Variants in SRPK1 observed in about 807,000 individuals in gnomAD.
SRPK1 encodes the protein SFRS protein kinase 1.
Under a neutral mutation model 89.5 loss-of-function variants are expected in SRPK1, and 52 were observed. That is an observed-to-expected ratio of 0.58 (90% CI 0.46 to 0.73). The LOEUF (loss-of-function observed/expected upper bound fraction) is 0.73, where lower values mean the gene tolerates loss of function less well. SRPK1 is among the 30% of genes least tolerant of loss of function. The pLI, the probability that SRPK1 is intolerant of heterozygous loss-of-function variation, is 0.00. For synonymous variants in SRPK1, 255 were observed against 270.2 expected, an observed-to-expected ratio of 0.94 and a Z score of 0.55; for missense variants, 603 against 780.6, an observed-to-expected ratio of 0.77 and a Z score of 2.71.
At chr6:35,920,329 G>T in intron 2 of SRPK1, 139 bp downstream of exon 2, 1 of 867,746 alleles carries the variant, frequency 1.2e-6, no homozygotes, top group South Asian at 1.4e-5. Flanking sequence ...GCTGGAGAGC[G>T]ACCCTCCGAG....
chr6:35,847,117 C>G (rs1769442628), intron 13 of SRPK1, among the ~76,000 whole-genome samples: 1 of 152,218 alleles, frequency 6.6e-6, no homozygotes, highest in Admixed American at 6.5e-5. Context: ...TTCTATTCAA[C>G]ATAGTATTGT....
At chr6:35,862,919 C>T (rs1264437010) in intron 12 of SRPK1, among the ~76,000 whole-genome samples, 1 of 152,140 alleles carries the variant, frequency 6.6e-6, no homozygotes, top group Admixed American at 6.5e-5. Flanking sequence ...AATCCTAGCA[C>T]TTTTGGAGGC....
At chr6:35,885,055 T>TA (rs1770373140) in intron 6 of SRPK1, among the ~76,000 whole-genome samples, 1 of 152,108 alleles carries the variant, frequency 6.6e-6, no homozygotes, top group African/African-American at 2.4e-5. Flanking sequence ...TTTGCTTAGT[T>TA]AGGGTCAAAT....
At chr6:35,865,976 G>C (rs551074503) in intron 12 of SRPK1, among the ~76,000 whole-genome samples, 1 of 151,374 alleles carries the variant, frequency 6.6e-6, no homozygotes, top group Non-Finnish European at 1.5e-5. Context: ...GACCCAACAG[G>C]GGACTAACAT....
At chr6:35,918,856 T>A (rs1216747830) in intron 2 of SRPK1, among the ~76,000 whole-genome samples, 1 of 152,212 alleles carries the variant, frequency 6.6e-6, no homozygotes, top group Non-Finnish European at 1.5e-5. Context: ...CTATATACAT[T>A]TACCCCTCAA....
chr6:35,892,238 T>C (rs942528480), intron 2 of SRPK1, among the ~76,000 whole-genome samples: 3 of 152,220 alleles, frequency 2.0e-5, no homozygotes, highest in African/African-American at 7.2e-5. Context: ...TTTCCTTCTC[T>C]ATATGTCTTC....
intron 2 of SRPK1, among the ~76,000 whole-genome samples, chr6:35,902,030 C>T (rs1770753811): frequency 6.6e-6 from 1 of 152,026 alleles, no homozygotes; most frequent in Admixed American, 6.6e-5. Context: ...ACCATATATA[C>T]ACACACATAT....
Position 35,835,354 on chromosome 6 carries a change from T to G in SRPK1, c.1918A>C (p.Lys640Gln), listed in dbSNP as rs2151076368. ...AGACACTCGGCGGCAGTGGCTCTCTTCTCAGGGATCAGCTCCAACATGGGC... is the reference window on the plus strand; with the variant it reads ...AGACACTCGGCGGCAGTGGCTCTCTGCTCAGGGATCAGCTCCAACATGGGC... ...LLPMLELIPE[K>Q]RATAAECLRH... The change falls in exon 16 of 16, where the codon AAG becomes CAG. Residue 640 changes from lysine (K) to glutamine (Q), a missense_variant. By Grantham distance (53) the Lys-to-Gln change is moderately conservative (BLOSUM62 1). Coordinates refer to ENST00000373825, the MANE Select transcript of SRPK1 (RefSeq NM_003137.5). The G allele has an allele frequency of 6.2e-7, 1 of 1,613,802 alleles. No individual in the cohort carries two copies. Among genetic ancestry groups the G allele is most frequent in the Non-Finnish European group, 8.5e-7 (1 of 1,179,838 alleles).
Position 35,888,103 on chromosome 6 carries a change from T to A in SRPK1, c.311A>T (p.Lys104Ile), listed in dbSNP as rs1306196352. 1 of 1,605,184 alleles carries A rather than the reference T, an allele frequency of 6.2e-7. No homozygotes were observed. The highest frequency in any genetic ancestry group is 1.7e-5 in the Admixed American group (1 of 57,450). Residue 104 changes from lysine (K) to isoleucine (I), a missense_variant, in exon 5 of 16, where the codon AAA (lysine) becomes ATA (isoleucine). Transcript: ENST00000373825. ...TTTAACTACTTTCATTGCCACAAAT[T>A]TCTTCCCCCTAAGAAACAAACACAG... ...VWLSWDIQGK[K>I]FVAMKVVKSA...
At chr6:35,838,511 AAGG>A in intron 14 of SRPK1, 82 bp from the exon 15 acceptor site, 2 of 1,345,930 alleles carry the variant, frequency 1.5e-6, no homozygotes, top group African/African-American at 3.0e-5. Context: ...AAAACAGCAG[AAGG>A]AGCAGCATGC....
At chr6:35,911,716 C>T (rs769933531) in intron 2 of SRPK1, among the ~76,000 whole-genome samples, 13 of 151,928 alleles carry the variant, frequency 8.6e-5, no homozygotes, top group African/African-American at 3.1e-4. Context: ...CAGGTGCATG[C>T]CACCACACCC....
chr6:35,838,590 A>G (rs1226495454), intron 14 of SRPK1, 161 bp from the exon 15 acceptor site: 4 of 1,469,470 alleles, frequency 2.7e-6, no homozygotes, highest in Non-Finnish European at 3.7e-6. Flanking sequence ...GACTCTATCC[A>G]TCTAATGGAG....
intron 6 of SRPK1, among the ~76,000 whole-genome samples, chr6:35,880,907 C>G (rs147033289): frequency 3.9e-4 from 59 of 151,198 alleles, no homozygotes; most frequent in African/African-American, 1.3e-3. Context: ...ACATTATAAT[C>G]AAACTTTTGA....
chr6:35,836,897 T>A (rs1053271292), intron 15 of SRPK1, among the ~76,000 whole-genome samples: 1 of 152,076 alleles, frequency 6.6e-6, no homozygotes. Context: ...GAGGAGGAAC[T>A]CTTATGAAAC....
At chr6:35,893,610 G>C (rs1770566629) in intron 2 of SRPK1, among the ~76,000 whole-genome samples, 1 of 152,106 alleles carries the variant, frequency 6.6e-6, no homozygotes, top group African/African-American at 2.4e-5. Flanking sequence ...ATTCTCTAAA[G>C]AAAATAAAAT....
intron 12 of SRPK1, among the ~76,000 whole-genome samples, chr6:35,859,478 T>C (rs1229257744): frequency 1.3e-5 from 2 of 152,204 alleles, no homozygotes; most frequent in African/African-American, 2.4e-5. Flanking sequence ...ATAAAATCTG[T>C]GCATACTCAA....
intron 12 of SRPK1, among the ~76,000 whole-genome samples, chr6:35,858,452 T>C (rs1466222159): frequency 3.3e-5 from 5 of 151,044 alleles, no homozygotes; most frequent in East Asian, 1.9e-4. Context: ...CATATCACTA[T>C]GAAATTATCT....
chr6:35,898,414 T>C (rs372848358), intron 2 of SRPK1, among the ~76,000 whole-genome samples: 44 of 152,258 alleles, frequency 2.9e-4, no homozygotes, highest in African/African-American at 1.0e-3. Flanking sequence ...AGACTAGATA[T>C]TGCGTAAAGT....
At chr6:35,863,718 C>G (rs1769836539) in intron 12 of SRPK1, among the ~76,000 whole-genome samples, 1 of 151,892 alleles carries the variant, frequency 6.6e-6, no homozygotes, top group South Asian at 2.1e-4. Context: ...AACACCAGAC[C>G]TATCCTTACA....
Sources: allele counts gnomAD v4.1 joint callset (sites outside exome capture counted in the v4.1 genomes callset), GRCh38; gene constraint gnomAD v4.1.1; transcripts MANE v1.5; gene names NCBI Gene and HGNC (gene_info 2026-07-23, HGNC 2026-07-21).